ALG12: variants seen among roughly 807,000 people sequenced by gnomAD.
ALG12 encodes the protein ALG12 alpha-1,6-mannosyltransferase.
In ALG12, 36 loss-of-function variants were observed where a neutral mutation model predicts 46.0. That is an observed-to-expected ratio of 0.78 (90% CI 0.60 to 1.03). ALG12 has a LOEUF of 1.03. Among genes scored for constraint, ALG12 ranks in the 50% least tolerant of loss-of-function variants. The pLI, the probability that ALG12 is intolerant of heterozygous loss-of-function variation, is 0.00. For synonymous variants in ALG12, 326 were observed against 291.6 expected (o/e 1.12, Z -1.20); for missense variants, 599 against 633.5 (o/e 0.95, Z 0.58).
At chr22:49,885,564 A>G in the ALG12 span, 77 of 1,603,914 alleles carry the variant, frequency 4.8e-5, no homozygotes, top group Non-Finnish European at 6.5e-5. Flanking sequence ...GGGGCACAGA[A>G]TTATCAGGCG....
At chr22:49,910,669 A>G in intron 3 of ALG12, 62 bp from the exon 4 acceptor site, 3 of 1,586,782 alleles carry the variant, frequency 1.9e-6, no homozygotes, top group Non-Finnish European at 2.6e-6. Context: ...GGGGCCCCCT[A>G]CGTGGGTCCT....
At position 49,903,720 on chromosome 22, in the gene ALG12, G is replaced by A. The variant is rs1221191631; in HGVS notation, c.*118C>T. 3.4e-6 allele frequency: 4 copies of A among 1,181,888 alleles called. No individual in the cohort carries two copies. The highest frequency in any genetic ancestry group is 4.9e-6 in the Non-Finnish European group (4 of 812,960). 73.2% of individuals were successfully genotyped at this position (1,181,888 alleles called of 1,614,324 possible). On this transcript the variant is annotated 3_prime_UTR_variant, in exon 10 of 10. Coordinates refer to ENST00000330817, the MANE Select transcript of ALG12 (RefSeq NM_024105.4). ...GGTCTGGTGTCTGTCAGAGGCAGGT[G>A]CCCAGTCCTTTGACTTGCTTCTCTG...
rs1569171374 is a variant in ALG12 at position 49,901,827 on chromosome 22, G to GTGGTA, written c.*2010_*2011insTACCA. 5 of 146,340 alleles carry GTGGTA rather than the reference G, an allele frequency of 3.4e-5. No individual in the cohort carries two copies. Among genetic ancestry groups the GTGGTA allele is most frequent in the South Asian group, 2.2e-4 (1 of 4,638 alleles). The allele number at this position is 146,340 out of a possible 1,614,324, so 9.1% of individuals were successfully genotyped here. Reference sequence around the variant, plus strand: ...CATGGTGTGTGCACGTGTGCACTGTGTGTATGCATGGTGTGTGCACGTGTG... The same window carrying GTGGTA: ...CATGGTGTGTGCACGTGTGCACTGTGTGGTATGTATGCATGGTGTGTGCACGTGTG... On this transcript the variant is annotated 3_prime_UTR_variant, in exon 10 of 10. Transcript: ENST00000330817.
chr22:49,894,228 T>C, the ALG12 span, among the ~76,000 whole-genome samples: 1,236 of 152,228 alleles, frequency 8.1e-3, 19 homozygotes, highest in African/African-American at 0.029. Context: ...CTAAAAGCAA[T>C]AAACATGTTG....
chr22:49,897,526 C>T (rs56876977), downstream of ALG12, among the ~76,000 whole-genome samples: 1,035 of 152,266 alleles, frequency 6.8e-3, 9 homozygotes, highest in African/African-American at 0.023. Context: ...CTAACAAGTG[C>T]GTAGTGGTGT....
At chr22:49,859,666 T>C in the ALG12 span, among the ~76,000 whole-genome samples, 1 of 152,250 alleles carries the variant, frequency 6.6e-6, no homozygotes, top group East Asian at 1.9e-4. Flanking sequence ...AGAAAATATG[T>C]ATTTAAAACA....
intron 1 of ALG12, among the ~76,000 whole-genome samples, chr22:49,916,955 C>T (rs1466911828): frequency 1.3e-5 from 2 of 152,216 alleles, no homozygotes; most frequent in African/African-American, 4.8e-5. Context: ...ACATTACGTG[C>T]TGACTCTGAC....
the ALG12 span, among the ~76,000 whole-genome samples, chr22:49,863,338 T>G: frequency 6.6e-6 from 1 of 152,156 alleles, no homozygotes. Context: ...TTTTAAAAAT[T>G]TTTTTGTAGG....
downstream of ALG12, among the ~76,000 whole-genome samples, chr22:49,897,540 A>G (rs986943085): frequency 2.0e-5 from 3 of 151,650 alleles, no homozygotes; most frequent in Admixed American, 2.0e-4. Flanking sequence ...GTGGTGTCTC[A>G]TTTTTGTTTT....
In ALG12 at chr22:49,909,879, C is replaced by T; in HGVS notation, c.664+15G>A. 6.2e-7 allele frequency: 1 copy of T among 1,614,092 alleles called. No individual in the cohort carries two copies. The highest frequency in any genetic ancestry group is 8.5e-7 in the Non-Finnish European group (1 of 1,179,990). ...ACAAAATCCAGTTAGAAGCATCCCA[C>T]AGTGACTGACTTACCTAAACAGAGG... On this transcript the variant is annotated intron_variant, in intron 5 of 9. Transcript: ENST00000330817.
the ALG12 span, among the ~76,000 whole-genome samples, chr22:49,873,681 C>T: frequency 1.4e-5 from 2 of 141,416 alleles, no homozygotes; most frequent in East Asian, 1.9e-4. Flanking sequence ...AAGCGAGGTG[C>T]GGTGATATGA....
At position 49,907,681 on chromosome 22, in the gene ALG12, A is replaced by G. The variant is rs760023639; in HGVS notation, c.992+40T>C. On this transcript the variant is annotated intron_variant, in intron 7 of 9. Transcript: ENST00000330817. ...CAGTAAATCAGTGAACCTGTTTCCA[A>G]TGAAACTATAAAAATGCATGTCACA... The G allele has an allele frequency of 4.0e-5, 64 of 1,593,386 alleles. No homozygotes were observed. In the Admixed American group the frequency reaches 6.1e-4, roughly 15 times the overall value.
Position 49,901,992 on chromosome 22 carries a change from G to T in ALG12, c.*1846C>A, listed in dbSNP as rs866825235. The T allele has an allele frequency of 4.3e-5, 6 of 140,808 alleles. No individual in the cohort carries two copies. 8.7% of individuals were successfully genotyped at this position (140,808 alleles called of 1,614,324 possible). A position where few individuals can be genotyped will look rare whatever the true frequency, so the allele number is the denominator to read the frequency against. On this transcript the variant is annotated 3_prime_UTR_variant, in exon 10 of 10. Coordinates refer to ENST00000330817, the MANE Select transcript of ALG12 (RefSeq NM_024105.4). Reference sequence around the variant, plus strand: ...TGGTGTGTATGCATGGTGTGTGCACGTGTGCACTGTGTATGCATGGTAATG... The same window carrying T: ...TGGTGTGTATGCATGGTGTGTGCACTTGTGCACTGTGTATGCATGGTAATG...
At chr22:49,913,543 C>T (rs1569178119) in intron 2 of ALG12, 26 bp from the exon 3 acceptor site, 2 of 1,613,964 alleles carry the variant, frequency 1.2e-6, no homozygotes, top group South Asian at 1.1e-5. Context: ...CAGGTCAGTG[C>T]ACCGGGGCCC....
chr22:49,904,623 A>C, intron 7 of ALG12, 117 bp from the exon 8 acceptor site: 1 of 1,171,832 alleles, frequency 8.5e-7, no homozygotes, highest in Non-Finnish European at 1.2e-6. Context: ...CATAACAAAG[A>C]GTTCACCACC....
the ALG12 span, chr22:49,887,239 A>G: frequency 6.5e-7 from 1 of 1,535,862 alleles, no homozygotes; most frequent in Non-Finnish European, 8.8e-7. Flanking sequence ...AGCCTGTACC[A>G]GGTCTATGAC....
the ALG12 span, among the ~76,000 whole-genome samples, chr22:49,881,974 A>G: frequency 6.6e-6 from 1 of 152,230 alleles, no homozygotes; most frequent in African/African-American, 2.4e-5. Context: ...GGGCAACCAT[A>G]CATCTTGCTT....
the ALG12 span, among the ~76,000 whole-genome samples, chr22:49,867,285 G>C: frequency 1.3e-5 from 2 of 152,186 alleles, no homozygotes; most frequent in Non-Finnish European, 2.9e-5. Flanking sequence ...CTTTTGAAAT[G>C]CCCAACGCGT....
chr22:49,888,072 G>T, the ALG12 span: 1 of 167,210 alleles, frequency 6.0e-6, no homozygotes, highest in Non-Finnish European at 1.5e-5. Flanking sequence ...AGAAGAGATG[G>T]CTTATTAACA....
Sources: gnomAD v4.1 joint callset for allele counts (sites outside exome capture counted in the v4.1 genomes callset) on GRCh38, gnomAD v4.1.1 for gene constraint, MANE v1.5 for transcripts, NCBI Gene and HGNC (gene_info 2026-07-23, HGNC 2026-07-21) for gene names.